The following NRCAM variants were observed in gnomAD, a reference collection of about 807,000 sequenced individuals.
NRCAM encodes the protein neuronal cell adhesion molecule.
In NRCAM, 83 loss-of-function variants were observed where a neutral mutation model predicts 156.5. That is an observed-to-expected ratio of 0.53 (90% CI 0.44 to 0.64). The LOEUF (loss-of-function observed/expected upper bound fraction) is 0.64. Among genes scored for constraint, NRCAM ranks in the 30% least tolerant of loss-of-function variants. NRCAM has a pLI of 0.00. For missense variants in NRCAM, 1,417 were observed against 1,597.3 expected, an observed-to-expected ratio of 0.89 and a Z score of 1.92; for synonymous variants, 538 against 563.9, an observed-to-expected ratio of 0.95 and a Z score of 0.65.
chr7:108,182,892 G>T lies in NRCAM; in HGVS notation c.2333C>A (p.Pro778Gln). The change falls in exon 23 of 33, where the codon CCA becomes CAA. Residue 778 changes from proline to glutamine, a missense_variant. Physicochemically the swap from Pro to Gln is moderately conservative, Grantham distance 76. This residue lies in a region of NRCAM where 1,238 missense variants were observed against 1,336.4 expected (regional missense o/e 0.93). Coordinates refer to ENST00000379028, the MANE Select transcript of NRCAM (RefSeq NM_001037132.4). ...CCAGCTAACTTTGTACTGAAGGCCTGGCCCATTAGATTCGAAACCATTCAA... is the reference window on the plus strand; with the variant it reads ...CCAGCTAACTTTGTACTGAAGGCCTTGCCCATTAGATTCGAAACCATTCAA... Reference protein sequence around the residue: ...KPLNGFESNGPGLQYKVSWRQ... With the variant: ...KPLNGFESNGQGLQYKVSWRQ... 1 of 1,614,150 alleles carries T rather than the reference G, an allele frequency of 6.2e-7. No homozygotes were observed. Among genetic ancestry groups the T allele is most frequent in the Admixed American group, 1.7e-5 (1 of 60,026 alleles).
At chr7:108,360,423 G>T (rs551335914) in intron 2 of NRCAM, among the ~76,000 whole-genome samples, 1 of 152,138 alleles carries the variant, frequency 6.6e-6, no homozygotes, top group Non-Finnish European at 1.5e-5. Context: ...AACATGACCC[G>T]GGGTTGCAGG....
At chr7:108,176,040 T>C (rs984678839) in intron 27 of NRCAM, among the ~76,000 whole-genome samples, 13 of 152,278 alleles carry the variant, frequency 8.5e-5, no homozygotes, top group Middle Eastern at 3.4e-3. Context: ...TTTGTGTGTA[T>C]ATAGATGTGT....
At chr7:108,359,584 G>A (rs1011068132) in intron 2 of NRCAM, among the ~76,000 whole-genome samples, 5 of 152,252 alleles carry the variant, frequency 3.3e-5, no homozygotes, top group South Asian at 2.1e-4. Context: ...GCATAGAAGC[G>A]AAATAACAAG....
chr7:108,301,849 C>T (rs151064061), intron 3 of NRCAM, among the ~76,000 whole-genome samples: 3 of 152,080 alleles, frequency 2.0e-5, no homozygotes, highest in East Asian at 3.9e-4. Flanking sequence ...TAAGTACATA[C>T]GAATTCCCTC....
chr7:108,178,346 A>G, intron 25 of NRCAM: 1 of 496,816 alleles, frequency 2.0e-6, no homozygotes, highest in Non-Finnish European at 3.7e-6. Flanking sequence ...CTCAAAACAC[A>G]TAATGACTTT....
chr7:108,176,068 T>C (rs902730878), intron 27 of NRCAM, among the ~76,000 whole-genome samples: 3 of 152,112 alleles, frequency 2.0e-5, no homozygotes, highest in Admixed American at 2.0e-4. Context: ...TGTATGCATA[T>C]GTGTGTATTA....
chr7:108,194,470 A>T lies in NRCAM; in HGVS notation c.1464-42T>A, dbSNP rs201560273. Reference sequence around the variant, plus strand: ...ATCACAATGAGAATAAAAACACATTATATTTTGAAGTCAGACATAAAATGC... The same window carrying T: ...ATCACAATGAGAATAAAAACACATTTTATTTTGAAGTCAGACATAAAATGC... On this transcript the variant is annotated intron_variant, in intron 15 of 32. Transcript: ENST00000379028. The T allele has an allele frequency of 5.7e-4, 799 of 1,411,370 alleles. 1 individual carries two copies. Among genetic ancestry groups the T allele is most frequent in the Non-Finnish European group, 7.3e-4 (751 of 1,031,930 alleles). The allele number at this position is 1,411,370 out of a possible 1,614,324, so 87.4% of individuals were successfully genotyped here.
intron 13 of NRCAM, among the ~76,000 whole-genome samples, chr7:108,198,530 T>C (rs558967295): frequency 2.6e-5 from 4 of 152,212 alleles, no homozygotes; most frequent in Admixed American, 2.6e-4. Context: ...CAAGTTTAGG[T>C]GAAAATTGCA....
intron 2 of NRCAM, among the ~76,000 whole-genome samples, chr7:108,351,423 G>A (rs539315017): frequency 1.5e-4 from 23 of 152,302 alleles, no homozygotes; most frequent in African/African-American, 5.5e-4. Flanking sequence ...AGAGACATGG[G>A]TCATGGAGGT....
At chr7:108,432,186 C>G (rs1826117549) in intron 1 of NRCAM, among the ~76,000 whole-genome samples, 1 of 152,152 alleles carries the variant, frequency 6.6e-6, no homozygotes, top group African/African-American at 2.4e-5. Flanking sequence ...TATCCTATGT[C>G]CACTATGTCA....
chr7:108,329,981 C>T (rs1414727501), intron 2 of NRCAM, among the ~76,000 whole-genome samples: 2 of 152,176 alleles, frequency 1.3e-5, no homozygotes, highest in Non-Finnish European at 1.5e-5. Context: ...TACATATCTA[C>T]TGCTATGTAT....
chr7:108,234,862 A>G (rs1485812559), intron 5 of NRCAM, 174 bp from the exon 6 acceptor site: 5 of 752,036 alleles, frequency 6.6e-6, no homozygotes, highest in Non-Finnish European at 1.2e-5. Flanking sequence ...AAGGTCTGCT[A>G]AAACTGTGAA....
intron 25 of NRCAM, among the ~76,000 whole-genome samples, chr7:108,178,808 C>A (rs2062023124): frequency 6.6e-6 from 1 of 152,152 alleles, no homozygotes; most frequent in Non-Finnish European, 1.5e-5. Flanking sequence ...ACAATGGTTA[C>A]CTCCCCTACC....
chr7:108,438,030 G>T (rs1281062240), intron 1 of NRCAM, among the ~76,000 whole-genome samples: 1 of 129,430 alleles, frequency 7.7e-6, no homozygotes, highest in African/African-American at 2.8e-5. Flanking sequence ...CCTATAAGAA[G>T]TAAAAAAAAA....
chr7:108,445,199 T>C (rs1842922735), intron 1 of NRCAM, among the ~76,000 whole-genome samples: 3 of 152,230 alleles, frequency 2.0e-5, no homozygotes, highest in Admixed American at 2.0e-4. Flanking sequence ...CAATTAGATT[T>C]ATGGACATTG....
intron 3 of NRCAM, among the ~76,000 whole-genome samples, chr7:108,293,264 T>G (rs901159689): frequency 6.6e-6 from 1 of 152,168 alleles, no homozygotes; most frequent in African/African-American, 2.4e-5. Context: ...TGCTTCTAAT[T>G]GTCCAGCGGG....
intron 2 of NRCAM, among the ~76,000 whole-genome samples, chr7:108,388,411 A>AT (rs1183819571): frequency 6.6e-6 from 1 of 151,620 alleles, no homozygotes. Flanking sequence ...AGGTTGTTTG[A>AT]TTTTTTCTTG....
At chr7:108,359,588 TAAC>T (rs2154314486) in intron 2 of NRCAM, among the ~76,000 whole-genome samples, 1 of 152,158 alleles carries the variant, frequency 6.6e-6, no homozygotes, top group African/African-American at 2.4e-5. Flanking sequence ...AGAAGCGAAA[TAAC>T]AAGAGAAACT....
intron 1 of NRCAM, among the ~76,000 whole-genome samples, chr7:108,429,972 A>C (rs905608654): frequency 2.0e-5 from 3 of 152,158 alleles, no homozygotes; most frequent in Non-Finnish European, 4.4e-5. Context: ...GAAATGGACA[A>C]ACAGACCTAG....
Sources: allele counts gnomAD v4.1 joint callset (sites outside exome capture counted in the v4.1 genomes callset), GRCh38; gene constraint gnomAD v4.1.1; regional missense constraint gnomAD v4.1.1; transcripts MANE v1.5; gene names NCBI Gene and HGNC (gene_info 2026-07-23, HGNC 2026-07-21).